Variants in BMP7 observed in about 807,000 individuals in gnomAD.
The protein encoded by BMP7 is bone morphogenetic protein 7.
A neutral mutation model predicts 41.2 loss-of-function variants in BMP7; 12 were observed. That is an observed-to-expected ratio of 0.29 (90% CI 0.19 to 0.47). The LOEUF is 0.47. Among genes scored for constraint, BMP7 ranks in the 20% least tolerant of loss-of-function variants. The probability of loss-of-function intolerance (pLI) is 0.99; values close to 1 mark genes in which losing one functional copy is unlikely to be tolerated. For missense variants in BMP7, 467 were observed against 606.0 expected, an observed-to-expected ratio of 0.77 and a Z score of 2.41; for synonymous variants, 248 against 250.0, an observed-to-expected ratio of 0.99 and a Z score of 0.07.
At chr20:57,196,994 C>G (rs572236983) in intron 3 of BMP7, among the ~76,000 whole-genome samples, 2 of 151,822 alleles carry the variant, frequency 1.3e-5, no homozygotes, top group South Asian at 4.2e-4. Context: ...CTCCACCTCC[C>G]GGGTTCAAGT....
rs1984996672 is a variant in BMP7, at chr20:57,215,647, G to C, written c.611+12582C>G. The C allele has an allele frequency of 6.6e-6, 1 of 151,872 alleles. No homozygotes were observed. The highest frequency in any genetic ancestry group is 2.4e-5 in the African/African-American group (1 of 41,258). The allele number at this position is 151,872 out of a possible 1,614,324, so 9.4% of individuals were successfully genotyped here. A position where few individuals can be genotyped will look rare whatever the true frequency, so the allele number is the denominator to read the frequency against. ...ATCTGGGGGGCACTGCAGAGCTTCT[G>C]ACACGGCTCTGGGGGAAATCCCACA... On this transcript the variant is annotated intron_variant, in intron 2 of 6. Transcript: ENST00000395863. This position sits in a 1 kb window ranked among gnomAD's most constrained non-coding sequence, Gnocchi z 4.2.
intron 1 of BMP7, among the ~76,000 whole-genome samples, chr20:57,238,868 A>G (rs1465613219): frequency 1.3e-5 from 2 of 152,178 alleles, no homozygotes; most frequent in Non-Finnish European, 2.9e-5. Flanking sequence ...GAGATTCACT[A>G]TCATGAGAAT....
At chr20:57,189,613 C>G (rs1357745838) in intron 3 of BMP7, among the ~76,000 whole-genome samples, 1 of 152,178 alleles carries the variant, frequency 6.6e-6, no homozygotes, top group East Asian at 1.9e-4. Flanking sequence ...GACATATTTC[C>G]ACGTCGATGA....
At chr20:57,216,339 T>C (rs529510240) in intron 2 of BMP7, among the ~76,000 whole-genome samples, 75 of 152,286 alleles carry the variant, frequency 4.9e-4, no homozygotes, top group Non-Finnish European at 9.3e-4. Context: ...GCAAGTAGTT[T>C]GTCTGAGAGG....
rs1983885437 is a variant in BMP7 at position 57,174,775 on chromosome 20, T to C, written c.1035+156A>G. On this transcript the variant is annotated intron_variant, in intron 5 of 6. Transcript: ENST00000395863. The surrounding 1 kb of genome is among the most constrained non-coding windows in gnomAD (Gnocchi z 4.3). ...GCTCTCGGATTTCATGAGGCCTCCC[T>C]GTATCCTTAGCCCAAGTCCCCTTCC... Among the ~76,000 whole-genome samples the C allele has an allele frequency of 6.6e-6, 1 of 152,230 alleles. No individual in the cohort carries two copies. The highest frequency in any genetic ancestry group is 2.4e-5 in the African/African-American group (1 of 41,458).
intron 1 of BMP7, among the ~76,000 whole-genome samples, chr20:57,241,521 C>T (rs2066069659): frequency 6.6e-6 from 1 of 152,208 alleles, no homozygotes; most frequent in Non-Finnish European, 1.5e-5. Context: ...TCCCCTGTTC[C>T]TGAACTGCTT....
Position 57,209,254 on chromosome 20 carries a change from TA to T in BMP7, c.612-6632del, listed in dbSNP as rs1984821340. On this transcript the variant is annotated intron_variant, in intron 2 of 6. Coordinates refer to ENST00000395863, the MANE Select transcript of BMP7 (RefSeq NM_001719.3). The stretch of plus-strand genomic sequence containing the variant: ...ATACCTAGATTTATATATTTTTATA[TA>T]TATATATATATATATATATATATAT... Among the ~76,000 whole-genome samples the T allele has an allele frequency of 9.9e-5, 10 of 101,284 alleles. 1 individual carries two copies. Among genetic ancestry groups the T allele is most frequent in the South Asian group, 8.1e-4 (3 of 3,696 alleles). 66.4% of individuals were successfully genotyped at this position (101,284 alleles called of 152,430 possible). A position where few individuals can be genotyped will look rare whatever the true frequency, so the allele number is the denominator to read the frequency against.
At chr20:57,190,383 TGAG>T (rs1984325606) in intron 3 of BMP7, among the ~76,000 whole-genome samples, 5 of 98,612 alleles carry the variant, frequency 5.1e-5, no homozygotes, top group Admixed American at 2.2e-4. Context: ...AGAGCGTGAG[TGAG>T]GAGCCCGAGG....
intron 3 of BMP7, among the ~76,000 whole-genome samples, chr20:57,187,978 C>T (rs747240934): frequency 8.5e-5 from 13 of 152,198 alleles, no homozygotes; most frequent in Non-Finnish European, 1.5e-4. Context: ...AACAACACCA[C>T]AGCAGACACT....
rs1273918565 is a variant in BMP7 at position 57,228,757 on chromosome 20, A to T, written c.419-336T>A. Among the ~76,000 whole-genome samples the T allele has an allele frequency of 6.6e-6, 1 of 152,200 alleles. No individual in the cohort carries two copies. The highest frequency in any genetic ancestry group is 1.5e-5 in the Non-Finnish European group (1 of 68,024). On this transcript the variant is annotated intron_variant, in intron 1 of 6. Coordinates refer to ENST00000395863, the MANE Select transcript of BMP7 (RefSeq NM_001719.3). The surrounding 1 kb of genome is among the most constrained non-coding windows in gnomAD (Gnocchi z 4.5). ...CCTGGGTTGGAATCTGGCCTCAGCC[A>T]CTAACCAACAGAGTGGCCCTAGATA...
intron 1 of BMP7, among the ~76,000 whole-genome samples, chr20:57,249,963 A>G (rs1459816428): frequency 6.6e-6 from 1 of 152,194 alleles, no homozygotes; most frequent in Non-Finnish European, 1.5e-5. Flanking sequence ...CAACCCCTTC[A>G]GTAACTTGCC....
rs370465622 is a variant in BMP7 at position 57,171,146 on chromosome 20, C to T, written c.1147-38G>A. 2.2e-5 allele frequency: 35 copies of T among 1,613,734 alleles called. No individual in the cohort carries two copies. The highest frequency in any genetic ancestry group is 1.6e-4 in the East Asian group (7 of 44,862). ...CCAAAACATGGGCAGTGGTGAGAAG[C>T]GGTGAGTCGTTCTAACTGGCCTCCA... On this transcript the variant is annotated intron_variant, in intron 6 of 6. Coordinates refer to ENST00000395863, the MANE Select transcript of BMP7 (RefSeq NM_001719.3). This position sits in a 1 kb window ranked among gnomAD's most constrained non-coding sequence, Gnocchi z 4.5.
At chr20:57,194,238 T>C (rs1318496545) in intron 3 of BMP7, among the ~76,000 whole-genome samples, 1 of 152,084 alleles carries the variant, frequency 6.6e-6, no homozygotes, top group Non-Finnish European at 1.5e-5. Flanking sequence ...ATGTCAACAC[T>C]GTCAAGATGA....
chr20:57,171,233 G>T lies in BMP7; in HGVS notation c.1147-125C>A. ...AATGACTGCAGGTGACACTCCCCAA[G>T]CCAAGCACTCCCTGTTCTAAGCACT... is the stretch of plus-strand genomic sequence containing the variant. On this transcript the variant is annotated intron_variant, in intron 6 of 6. Transcript: ENST00000395863. This position sits in a 1 kb window ranked among gnomAD's most constrained non-coding sequence, Gnocchi z 4.5. The T allele has an allele frequency of 7.4e-7, 1 of 1,345,658 alleles. No homozygotes were observed. Among genetic ancestry groups the T allele is most frequent in the Non-Finnish European group, 1.0e-6 (1 of 957,032 alleles). 83.4% of individuals were successfully genotyped at this position (1,345,658 alleles called of 1,614,324 possible).
chr20:57,240,837 T>C (rs2066065770), intron 1 of BMP7, among the ~76,000 whole-genome samples: 1 of 152,144 alleles, frequency 6.6e-6, no homozygotes, highest in Non-Finnish European at 1.5e-5. Flanking sequence ...CATGATTCAA[T>C]TACCTCCCCC....
Position 57,174,892 on chromosome 20 carries a change from G to T in BMP7, c.1035+39C>A, listed in dbSNP as rs1192258493. On this transcript the variant is annotated intron_variant, in intron 5 of 6. Transcript: ENST00000395863. The surrounding 1 kb of genome is among the most constrained non-coding windows in gnomAD (Gnocchi z 4.3). ...CGCTGCCTCGTGGGAGCCCACGCCAGAGGGCCCACACCCAAGACAGACCCA... is the reference window on the plus strand; with the variant it reads ...CGCTGCCTCGTGGGAGCCCACGCCATAGGGCCCACACCCAAGACAGACCCA... 6.3e-7 allele frequency: 1 copy of T among 1,594,904 alleles called. No homozygotes were observed. Among genetic ancestry groups the T allele is most frequent in the Admixed American group, 1.7e-5 (1 of 59,466 alleles).
At chr20:57,220,269 T>C (rs230211) in intron 2 of BMP7, among the ~76,000 whole-genome samples, 180 of 152,340 alleles carry the variant, frequency 1.2e-3, no homozygotes, top group African/African-American at 4.2e-3. Context: ...ACTAGCTTCA[T>C]TAACTGTGGT....
intron 1 of BMP7, among the ~76,000 whole-genome samples, chr20:57,231,875 C>A (rs1270086765): frequency 6.6e-6 from 1 of 152,216 alleles, no homozygotes; most frequent in African/African-American, 2.4e-5. Flanking sequence ...TGAGGATGTA[C>A]AACTAAGGAT....
chr20:57,211,529 G>C (rs1944423204), intron 2 of BMP7, among the ~76,000 whole-genome samples: 1 of 152,200 alleles, frequency 6.6e-6, no homozygotes, highest in Non-Finnish European at 1.5e-5. Flanking sequence ...CACCTCCCAG[G>C]CCCTGATCCC....
Sources: allele counts gnomAD v4.1 joint callset (sites outside exome capture counted in the v4.1 genomes callset), GRCh38; gene constraint gnomAD v4.1.1; non-coding constraint Gnocchi (gnomAD v3.1); transcripts MANE v1.5; gene names NCBI Gene and HGNC (gene_info 2026-07-23, HGNC 2026-07-21).